The following LARGE1 variants were observed in gnomAD, a reference collection of about 807,000 sequenced individuals.
The protein encoded by LARGE1 is LARGE xylosyl- and glucuronyltransferase 1.
A neutral mutation model predicts 87.6 loss-of-function variants in LARGE1; 43 were observed. The ratio of observed to expected loss-of-function variants is 0.49; its 90% confidence interval spans 0.38 to 0.63. LARGE1 has a LOEUF of 0.63. Among genes scored for constraint, LARGE1 ranks in the 30% least tolerant of loss-of-function variants. The pLI is 0.00. For missense variants in LARGE1, 802 were observed against 1,000.2 expected, an observed-to-expected ratio of 0.80 and a Z score of 2.67; for synonymous variants, 434 against 394.6, an observed-to-expected ratio of 1.10 and a Z score of -1.18.
chr22:33,112,589 G>C, the LARGE1 span, among the ~76,000 whole-genome samples: 1 of 152,194 alleles, frequency 6.6e-6, no homozygotes, highest in Non-Finnish European at 1.5e-5. Flanking sequence ...CCCTTTTCAA[G>C]ACTGAAATCT....
At chr22:33,539,362 T>A (rs1301657018) in intron 6 of LARGE1, among the ~76,000 whole-genome samples, 2 of 152,124 alleles carry the variant, frequency 1.3e-5, no homozygotes, top group African/African-American at 4.8e-5. Flanking sequence ...TTCACACTCA[T>A]CTTATCACCA....
chr22:33,722,411 T>G (rs2149445229), intron 2 of LARGE1, among the ~76,000 whole-genome samples: 1 of 151,912 alleles, frequency 6.6e-6, no homozygotes, highest in African/African-American at 2.4e-5. Flanking sequence ...GGAATTACTT[T>G]GTCAATTATA....
intron 9 of LARGE1, among the ~76,000 whole-genome samples, chr22:33,373,832 C>T (rs750969544): frequency 1.7e-4 from 26 of 151,958 alleles, no homozygotes; most frequent in Middle Eastern, 3.4e-3. Context: ...AAATTAGCCA[C>T]GTGTGGTGGC....
At chr22:33,143,500 C>T in the LARGE1 span, among the ~76,000 whole-genome samples, 18 of 152,126 alleles carry the variant, frequency 1.2e-4, no homozygotes, top group African/African-American at 4.3e-4. Context: ...AAAGCTCTTT[C>T]CATGAGCGTT....
chr22:33,609,086 G>C (rs528275220), intron 4 of LARGE1, among the ~76,000 whole-genome samples: 1 of 152,180 alleles, frequency 6.6e-6, no homozygotes, highest in African/African-American at 2.4e-5. Flanking sequence ...ACAAAAAACG[G>C]GCTGAATGAA....
chr22:33,828,038 T>C (rs935597090), intron 1 of LARGE1, among the ~76,000 whole-genome samples: 1 of 152,096 alleles, frequency 6.6e-6, no homozygotes, highest in African/African-American at 2.4e-5. Flanking sequence ...ATTGCTAAGA[T>C]TTGGGCAGAT....
At chr22:33,130,007 T>C in the LARGE1 span, among the ~76,000 whole-genome samples, 1 of 152,128 alleles carries the variant, frequency 6.6e-6, no homozygotes, top group Non-Finnish European at 1.5e-5. Context: ...TTTTGCAACT[T>C]CTATTTCATT....
At chr22:33,078,742 G>T in the LARGE1 span, among the ~76,000 whole-genome samples, 15 of 152,166 alleles carry the variant, frequency 9.9e-5, no homozygotes, top group Non-Finnish European at 2.2e-4. Flanking sequence ...AGATTATTAA[G>T]ATGTAGTCTC....
intron 7 of LARGE1, among the ~76,000 whole-genome samples, chr22:33,409,617 T>A (rs1188462830): frequency 1.3e-5 from 2 of 152,078 alleles, no homozygotes; most frequent in East Asian, 3.9e-4. Flanking sequence ...CGAAATCCAC[T>A]TGGGGAGGCT....
chr22:33,311,212 A>G (rs1601397510), intron 11 of LARGE1, among the ~76,000 whole-genome samples: 1 of 152,074 alleles, frequency 6.6e-6, no homozygotes, highest in East Asian at 1.9e-4. Context: ...TGCCTGCCTC[A>G]GCCTCCCAAA....
intron 12 of LARGE1, among the ~76,000 whole-genome samples, chr22:33,302,293 C>T (rs1185661297): frequency 6.6e-6 from 1 of 152,194 alleles, no homozygotes; most frequent in Non-Finnish European, 1.5e-5. Flanking sequence ...TTTCTGCAGC[C>T]TGGTGGGTCA....
At chr22:33,566,199 C>G (rs377400166) in intron 5 of LARGE1, among the ~76,000 whole-genome samples, 99 of 152,294 alleles carry the variant, frequency 6.5e-4, no homozygotes, top group African/African-American at 2.2e-3. Context: ...TACCAAAGAA[C>G]AGCCATCAAA....
intron 2 of LARGE1, among the ~76,000 whole-genome samples, chr22:33,719,496 CATATTTAT>C (rs902971187): frequency 3.1e-5 from 4 of 130,688 alleles, no homozygotes; most frequent in East Asian, 2.1e-4. Flanking sequence ...CCATCTATAC[CATATTTAT>C]TTATTTATTT....
downstream of LARGE1, among the ~76,000 whole-genome samples, chr22:33,157,296 T>A (rs192910314): frequency 6.6e-6 from 1 of 152,328 alleles, no homozygotes; most frequent in African/African-American, 2.4e-5. Flanking sequence ...AGTTGATACT[T>A]TTTTCAGCCA....
At chr22:33,586,433 A>T (rs1198495026) in intron 5 of LARGE1, among the ~76,000 whole-genome samples, 1 of 151,252 alleles carries the variant, frequency 6.6e-6, no homozygotes, top group South Asian at 2.1e-4. Flanking sequence ...TGCTGCCCCC[A>T]AACAGGGAGA....
At chr22:33,705,500 T>C (rs1483337246) in intron 2 of LARGE1, among the ~76,000 whole-genome samples, 1 of 152,228 alleles carries the variant, frequency 6.6e-6, no homozygotes, top group Non-Finnish European at 1.5e-5. Flanking sequence ...AGCATGGAAC[T>C]AAGCACTTCA....
chr22:33,788,907 TA>T (rs2085734181), intron 1 of LARGE1, among the ~76,000 whole-genome samples: 1 of 152,172 alleles, frequency 6.6e-6, no homozygotes, highest in Non-Finnish European at 1.5e-5. Flanking sequence ...AAGCAAAGCA[TA>T]AAAGTTTTGA....
chr22:33,167,134 C>T (rs909351889), intron 11 of LARGE1, among the ~76,000 whole-genome samples: 4 of 152,132 alleles, frequency 2.6e-5, no homozygotes, highest in Admixed American at 2.6e-4. Flanking sequence ...TCTGCCATAT[C>T]CTAGGAATTT....
At chr22:33,378,686 C>T (rs1334859923) in intron 9 of LARGE1, among the ~76,000 whole-genome samples, 2 of 152,172 alleles carry the variant, frequency 1.3e-5, no homozygotes, top group African/African-American at 4.8e-5. Context: ...ACCAGTTCTT[C>T]AACACTAGCT....
Sources: allele counts gnomAD v4.1 joint callset (sites outside exome capture counted in the v4.1 genomes callset), GRCh38; gene constraint gnomAD v4.1.1; transcripts MANE v1.5; gene names NCBI Gene and HGNC (gene_info 2026-07-23, HGNC 2026-07-21).